Variants in UBE2E2 observed in about 807,000 individuals in gnomAD.
UBE2E2 encodes ubiquitin conjugating enzyme E2 E2.
In UBE2E2, 6 loss-of-function variants were observed where a neutral mutation model predicts 24.7. The ratio of observed to expected loss-of-function variants is 0.24; its 90% CI spans 0.13 to 0.48. The LOEUF (loss-of-function observed/expected upper bound fraction) is 0.48. Among genes scored for constraint, UBE2E2 ranks in the 20% least tolerant of loss-of-function variants. The probability of loss-of-function intolerance (pLI) is 0.99; values close to 1 mark genes in which losing one functional copy is unlikely to be tolerated. For missense variants in UBE2E2, 169 were observed against 245.0 expected, an observed-to-expected ratio of 0.69 and a Z score of 2.07; for synonymous variants, 104 against 83.6, an observed-to-expected ratio of 1.24 and a Z score of -1.33.
intron 3 of UBE2E2, among the ~76,000 whole-genome samples, chr3:23,397,568 T>C (rs1285950617): frequency 6.6e-6 from 1 of 152,216 alleles, no homozygotes; most frequent in East Asian, 1.9e-4. Flanking sequence ...TAACCACTGT[T>C]TGTTATAATC....
rs145011683 is a variant in UBE2E2 at position 23,295,454 on chromosome 3, G to A, written c.227+78142G>A. Reference sequence around the variant, plus strand: ...ATAAGGGAATGAATGGTCCAGGTGGGTACACAATTAATAAGAGAACAGATC... The same window carrying A: ...ATAAGGGAATGAATGGTCCAGGTGGATACACAATTAATAAGAGAACAGATC... On this transcript the variant is annotated intron_variant, in intron 3 of 5. Coordinates refer to ENST00000396703, the MANE Select transcript of UBE2E2 (RefSeq NM_152653.4). 5.5e-3 allele frequency among the ~76,000 whole-genome samples: 834 copies of A among 152,250 alleles called. 2 individuals carry two copies. Among genetic ancestry groups the A allele is most frequent in the Non-Finnish European group, 9.0e-3 (611 of 68,014 alleles).
rs1222125283 is a variant in UBE2E2 at position 23,307,278 on chromosome 3, G to T, written c.227+89966G>T. ...AATAAATTCTTCCTCCCTCTGTATA[G>T]TCATTCTTCAAGTTGCTTTTTTCTG... On this transcript the variant is annotated intron_variant, in intron 3 of 5. Coordinates refer to ENST00000396703, the MANE Select transcript of UBE2E2 (RefSeq NM_152653.4). 2.6e-5 allele frequency among the ~76,000 whole-genome samples: 4 copies of T among 151,980 alleles called. No homozygotes were observed. In the East Asian group the frequency reaches 5.8e-4, roughly 22 times the overall value.
chr3:23,461,808 T>G (rs1435441184), intron 3 of UBE2E2, among the ~76,000 whole-genome samples: 2 of 152,218 alleles, frequency 1.3e-5, no homozygotes, highest in African/African-American at 2.4e-5. Flanking sequence ...GTTAACATAT[T>G]CTGCTTGAAA....
At chr3:23,275,003 T>G (rs143353453) in intron 3 of UBE2E2, among the ~76,000 whole-genome samples, 1 of 152,278 alleles carries the variant, frequency 6.6e-6, no homozygotes, top group South Asian at 2.1e-4. Flanking sequence ...AAAATAACTT[T>G]TTGAGGAAGT....
intron 3 of UBE2E2, among the ~76,000 whole-genome samples, chr3:23,290,233 G>A (rs1180109157): frequency 1.3e-5 from 2 of 152,214 alleles, no homozygotes; most frequent in Admixed American, 1.3e-4. Context: ...TACCTTGTTA[G>A]GTCAGTAAAG....
intron 5 of UBE2E2, among the ~76,000 whole-genome samples, chr3:23,571,638 C>T (rs115146614): frequency 0.022 from 3,329 of 152,140 alleles, 56 homozygotes; most frequent in Non-Finnish European, 0.035. Context: ...ATCGTACAGA[C>T]CGCTTTTTTT....
chr3:23,248,428 C>T (rs974068385), intron 3 of UBE2E2, among the ~76,000 whole-genome samples: 8 of 152,152 alleles, frequency 5.3e-5, no homozygotes, highest in Non-Finnish European at 1.2e-4. Context: ...TAAATTGTTC[C>T]ACAAAAAACT....
At chr3:23,358,410 T>C (rs1021587869) in intron 3 of UBE2E2, among the ~76,000 whole-genome samples, 6 of 152,196 alleles carry the variant, frequency 3.9e-5, no homozygotes, top group African/African-American at 1.4e-4. Context: ...GCCAATAAAA[T>C]TAGTCTGGGA....
At chr3:23,341,328 G>C (rs1695382787) in intron 3 of UBE2E2, among the ~76,000 whole-genome samples, 1 of 151,052 alleles carries the variant, frequency 6.6e-6, no homozygotes, top group African/African-American at 2.5e-5. Context: ...AGTTGTTTAA[G>C]TACTCATCTT....
At chr3:23,426,193 A>G (rs746677514) in intron 3 of UBE2E2, among the ~76,000 whole-genome samples, 4 of 152,214 alleles carry the variant, frequency 2.6e-5, no homozygotes, top group Admixed American at 6.5e-5. Flanking sequence ...AACTTCCAAG[A>G]TAGAAAAGTA....
chr3:23,355,421 A>G (rs1695915127), intron 3 of UBE2E2, among the ~76,000 whole-genome samples: 1 of 152,152 alleles, frequency 6.6e-6, no homozygotes, highest in Non-Finnish European at 1.5e-5. Flanking sequence ...TTATATCCAA[A>G]TGCCAACTTG....
intron 3 of UBE2E2, among the ~76,000 whole-genome samples, chr3:23,304,950 A>T (rs1278435220): frequency 6.6e-6 from 1 of 152,050 alleles, no homozygotes; most frequent in Non-Finnish European, 1.5e-5. Context: ...GGTCATTTGG[A>T]AATTATTGGC....
intron 3 of UBE2E2, among the ~76,000 whole-genome samples, chr3:23,483,723 A>T (rs141702706): frequency 1.2e-3 from 187 of 152,298 alleles, no homozygotes; most frequent in African/African-American, 4.4e-3. Context: ...CAGTGACTCC[A>T]TAGTCTGTAA....
chr3:23,519,806 G>T (rs1178702781), intron 4 of UBE2E2, among the ~76,000 whole-genome samples: 2 of 151,864 alleles, frequency 1.3e-5, no homozygotes, highest in African/African-American at 4.8e-5. Flanking sequence ...CCTTCTGACT[G>T]GCTAGGGCTA....
At chr3:23,288,425 G>A (rs1312884486) in intron 3 of UBE2E2, among the ~76,000 whole-genome samples, 2 of 152,088 alleles carry the variant, frequency 1.3e-5, no homozygotes, top group African/African-American at 4.8e-5. Flanking sequence ...ATATCTATTA[G>A]GTCCATTTTG....
At chr3:23,442,508 A>G (rs567870123) in intron 3 of UBE2E2, among the ~76,000 whole-genome samples, 31 of 152,242 alleles carry the variant, frequency 2.0e-4, no homozygotes, top group African/African-American at 7.0e-4. Context: ...ATGCCCTCCT[A>G]TGTGTAAGGA....
At chr3:23,570,105 T>C (rs576497767) in intron 5 of UBE2E2, among the ~76,000 whole-genome samples, 1 of 152,186 alleles carries the variant, frequency 6.6e-6, no homozygotes, top group African/African-American at 2.4e-5. Flanking sequence ...AAATCTAATA[T>C]CTTCTTTCTA....
intron 4 of UBE2E2, among the ~76,000 whole-genome samples, chr3:23,505,090 G>GTT (rs1302162342): frequency 7.4e-5 from 8 of 107,676 alleles, no homozygotes; most frequent in African/African-American, 3.0e-4. Context: ...TTTTTTTTTT[G>GTT]TTTTTTTTTT....
At chr3:23,239,470 C>T (rs925600065) in intron 3 of UBE2E2, among the ~76,000 whole-genome samples, 2 of 151,970 alleles carry the variant, frequency 1.3e-5, no homozygotes, top group African/African-American at 2.4e-5. Flanking sequence ...AACCACGAAT[C>T]GACTTTCTGT....
Sources: allele counts gnomAD v4.1 joint callset (sites outside exome capture counted in the v4.1 genomes callset), GRCh38; gene constraint gnomAD v4.1.1; transcripts MANE v1.5; gene names NCBI Gene and HGNC (gene_info 2026-07-23, HGNC 2026-07-21).